The following AGBL1 variants were observed in gnomAD, a reference collection of about 807,000 sequenced individuals.
AGBL1 encodes the protein AGBL carboxypeptidase 1.
In AGBL1, 130 loss-of-function variants were observed where a neutral mutation model predicts 118.9. The observed-to-expected ratio is 1.09, with a 90% CI of 0.95 to 1.26. The LOEUF is 1.26. Among genes scored for constraint, AGBL1 ranks in the 50% most tolerant of loss-of-function variants. The pLI, the probability that AGBL1 is intolerant of heterozygous loss-of-function variation, is 0.00. For synonymous variants in AGBL1, 555 were observed against 478.9 expected (o/e 1.16, Z -2.08); for missense variants, 1,584 against 1,298.1 (o/e 1.22, Z -3.38).
intron 18 of AGBL1, among the ~76,000 whole-genome samples, chr15:86,503,668 T>C (rs1461338519): frequency 2.0e-5 from 3 of 151,508 alleles, no homozygotes; most frequent in Non-Finnish European, 4.4e-5. Flanking sequence ...CTAATTTATA[T>C]TGTAATTTCT....
At chr15:86,111,774 G>A (rs905367571) in intron 1 of AGBL1, among the ~76,000 whole-genome samples, 1 of 152,180 alleles carries the variant, frequency 6.6e-6, no homozygotes, top group Admixed American at 6.5e-5. Context: ...CCACAGACTG[G>A]TAGGAACAAG....
intron 19 of AGBL1, among the ~76,000 whole-genome samples, chr15:86,524,445 C>T (rs1186613943): frequency 1.3e-5 from 2 of 152,156 alleles, no homozygotes; most frequent in African/African-American, 4.8e-5. Context: ...TCCAGGTATC[C>T]TTGCCCAGTA....
intron 18 of AGBL1, among the ~76,000 whole-genome samples, chr15:86,495,787 T>A (rs2142151097): frequency 6.6e-6 from 1 of 152,138 alleles, no homozygotes. Context: ...TGGTATATAA[T>A]TTTTTAAGAT....
intron 7 of AGBL1, among the ~76,000 whole-genome samples, chr15:86,250,714 C>T (rs964711601): frequency 1.3e-5 from 2 of 152,056 alleles, no homozygotes; most frequent in African/African-American, 4.8e-5. Context: ...GTTACTCTTC[C>T]CCCCGGCAGT....
intron 20 of AGBL1, among the ~76,000 whole-genome samples, chr15:86,551,769 A>C (rs1317542319): frequency 1.3e-5 from 2 of 152,198 alleles, no homozygotes; most frequent in Admixed American, 1.3e-4. Flanking sequence ...CTACAGCCCA[A>C]TATTTGTTAT....
At chr15:86,535,889 G>C (rs764374320) in intron 19 of AGBL1, among the ~76,000 whole-genome samples, 7 of 152,132 alleles carry the variant, frequency 4.6e-5, no homozygotes, top group Non-Finnish European at 1.0e-4. Flanking sequence ...CTTAGCAGTA[G>C]CAGAAGAATA....
chr15:86,919,791 C>T (rs2080466709), downstream of AGBL1, among the ~76,000 whole-genome samples: 1 of 152,098 alleles, frequency 6.6e-6, no homozygotes, highest in African/African-American at 2.4e-5. Context: ...TACCTTGTGC[C>T]AGATGATATG....
At chr15:86,398,836 A>C (rs979507651) in intron 18 of AGBL1, among the ~76,000 whole-genome samples, 10 of 152,282 alleles carry the variant, frequency 6.6e-5, no homozygotes, top group African/African-American at 2.4e-4. Context: ...AAATGATGAA[A>C]TATGTTAAAC....
chr15:86,232,334 G>C (rs2078470058), intron 6 of AGBL1, among the ~76,000 whole-genome samples: 1 of 152,154 alleles, frequency 6.6e-6, no homozygotes, highest in Non-Finnish European at 1.5e-5. Context: ...TTCCTCTTCC[G>C]GCCATGTGGT....
chr15:86,262,297 A>T (rs753144105), intron 9 of AGBL1, among the ~76,000 whole-genome samples: 1 of 151,904 alleles, frequency 6.6e-6, no homozygotes, highest in Non-Finnish European at 1.5e-5. Flanking sequence ...GGCAAATACC[A>T]TGGAAGCATG....
chr15:86,279,471 G>A (rs1280778951), intron 15 of AGBL1, among the ~76,000 whole-genome samples, 168 bp from the exon 16 acceptor site: 1 of 152,194 alleles, frequency 6.6e-6, no homozygotes, highest in African/African-American at 2.4e-5. Flanking sequence ...AAGTTTACTT[G>A]TACATTTCCC....
At chr15:86,346,615 C>T (rs554681694) in intron 17 of AGBL1, among the ~76,000 whole-genome samples, 1 of 152,260 alleles carries the variant, frequency 6.6e-6, no homozygotes, top group Non-Finnish European at 1.5e-5. Context: ...TCCCAAAGTG[C>T]TGGGATTACA....
intron 23 of AGBL1, among the ~76,000 whole-genome samples, chr15:86,957,290 C>G (rs2080940660): frequency 6.6e-6 from 1 of 151,976 alleles, no homozygotes; most frequent in Non-Finnish European, 1.5e-5. Flanking sequence ...CTCTTTAATG[C>G]TGAGTTCAGC....
intron 21 of AGBL1, among the ~76,000 whole-genome samples, chr15:86,660,820 A>G (rs1220534376): frequency 6.6e-6 from 1 of 152,170 alleles, no homozygotes; most frequent in Non-Finnish European, 1.5e-5. Context: ...TCTAATGTAT[A>G]TTAGCCTCTC....
intron 18 of AGBL1, among the ~76,000 whole-genome samples, chr15:86,437,714 A>G (rs1343456849): frequency 6.6e-6 from 1 of 152,008 alleles, no homozygotes; most frequent in African/African-American, 2.4e-5. Flanking sequence ...AAAAGTGCCA[A>G]TCCTACCCTT....
At chr15:86,990,596 A>G (rs747533562) in intron 24 of AGBL1, among the ~76,000 whole-genome samples, 7 of 152,262 alleles carry the variant, frequency 4.6e-5, no homozygotes, top group Non-Finnish European at 7.3e-5. Context: ...AGCACTTACT[A>G]TCTACCAGGC....
intron 11 of AGBL1, among the ~76,000 whole-genome samples, chr15:86,265,549 A>G (rs2079058188): frequency 6.6e-6 from 1 of 152,208 alleles, no homozygotes; most frequent in Non-Finnish European, 1.5e-5. Context: ...GCAGACCAGA[A>G]AGTTTTCTTA....
intron 21 of AGBL1, among the ~76,000 whole-genome samples, chr15:86,655,883 A>G (rs1021562032): frequency 2.0e-5 from 3 of 152,204 alleles, no homozygotes; most frequent in African/African-American, 7.2e-5. Context: ...CCACATTACT[A>G]TAGATGGTTA....
rs576387597 is a variant in AGBL1 at position 86,281,432 on chromosome 15, G to A, written c.2220+1649G>A. The stretch of plus-strand genomic sequence containing the variant: ...CAGAAAAGAAAAAAAAAGTCTGCTA[G>A]GGATGGGGATTCCTTTTAAAATACG... On this transcript the variant is annotated intron_variant, in intron 16 of 22. Transcript: ENST00000614907. Among the ~76,000 whole-genome samples the A allele has an allele frequency of 9.2e-5, 14 of 152,268 alleles. No homozygotes were observed. In the South Asian group the frequency reaches 2.9e-3, roughly 32 times the overall value.
Sources: gnomAD v4.1 joint callset for allele counts (sites outside exome capture counted in the v4.1 genomes callset) on GRCh38, gnomAD v4.1.1 for gene constraint, MANE v1.5 for transcripts, NCBI Gene and HGNC (gene_info 2026-07-23, HGNC 2026-07-21) for gene names.